Variants in KDM1A observed in about 807,000 individuals in gnomAD.
The protein encoded by KDM1A is lysine demethylase 1A, also known as lysine-specific histone demethylase 1A.
A neutral mutation model predicts 109.4 loss-of-function variants in KDM1A; 49 were observed. The observed-to-expected ratio is 0.45, with a 90% confidence interval of 0.36 to 0.57. KDM1A has a LOEUF of 0.57. KDM1A is among the 20% of genes least tolerant of loss of function. KDM1A has a pLI of 0.00. For missense variants in KDM1A, 668 were observed against 1,116.6 expected (o/e 0.60, Z 5.73); for synonymous variants, 380 against 415.4 (o/e 0.91, Z 1.04).
chr1:23,077,439 G>A, intron 16 of KDM1A, 79 bp downstream of exon 16: 1 of 1,440,624 alleles, frequency 6.9e-7, no homozygotes, highest in South Asian at 1.4e-5. Flanking sequence ...GACCTATCAG[G>A]TACATTTCCT....
At chr1:23,025,083 T>C (rs1003486560) in intron 1 of KDM1A, among the ~76,000 whole-genome samples, 1 of 152,252 alleles carries the variant, frequency 6.6e-6, no homozygotes, top group African/African-American at 2.4e-5. Context: ...GAGCATTAGA[T>C]TCTTGCTGTC....
intron 1 of KDM1A, 92 bp downstream of exon 1, chr1:23,020,039 C>T: frequency 2.3e-6 from 3 of 1,315,838 alleles, no homozygotes; most frequent in Non-Finnish European, 3.0e-6. Flanking sequence ...GGGTCTTGGG[C>T]CCTGCGACCA....
At chr1:23,071,132 T>C in intron 12 of KDM1A, 93 bp from the exon 13 acceptor site, 1 of 951,386 alleles carries the variant, frequency 1.1e-6, no homozygotes. Context: ...TTTGTTGGGA[T>C]AGCAGTTTTG....
chr1:23,030,771 G>A, intron 2 of KDM1A, 137 bp downstream of exon 2: 1 of 830,672 alleles, frequency 1.2e-6, no homozygotes, highest in Admixed American at 3.1e-5. Flanking sequence ...CCTGCCATGT[G>A]TGTCTTTGTG....
At chr1:23,066,978 A>C (rs530216746) in intron 10 of KDM1A, among the ~76,000 whole-genome samples, 9 of 152,268 alleles carry the variant, frequency 5.9e-5, no homozygotes, top group African/African-American at 2.2e-4. Flanking sequence ...CTCTTCCATC[A>C]GCTCTCATAG....
chr1:23,035,599 A>T (rs576605477), intron 2 of KDM1A, among the ~76,000 whole-genome samples: 1 of 152,228 alleles, frequency 6.6e-6, no homozygotes, highest in Non-Finnish European at 1.5e-5. Flanking sequence ...TGTTCACATA[A>T]TAATCATACT....
chr1:23,057,694 C>A, intron 8 of KDM1A, 129 bp downstream of exon 8: 1 of 588,102 alleles, frequency 1.7e-6, no homozygotes, highest in Non-Finnish European at 3.0e-6. Context: ...AGAGGTATAG[C>A]AGTATGTGGA....
intron 19 of KDM1A, 194 bp from the exon 20 acceptor site, chr1:23,082,026 G>C: frequency 1.8e-6 from 1 of 551,992 alleles, no homozygotes; most frequent in Non-Finnish European, 3.2e-6. Flanking sequence ...AACATGGAGG[G>C]GCATCCTTCC....
chr1:23,063,537 A>G (rs779314827), intron 9 of KDM1A, among the ~76,000 whole-genome samples: 34 of 152,204 alleles, frequency 2.2e-4, no homozygotes, highest in African/African-American at 7.7e-4. Context: ...AACATCTTCA[A>G]TATCTTTATG....
intron 3 of KDM1A, among the ~76,000 whole-genome samples, chr1:23,044,989 A>G (rs1465834639): frequency 6.6e-6 from 1 of 152,224 alleles, no homozygotes; most frequent in East Asian, 1.9e-4. Context: ...TTACGTAGTT[A>G]ATCATTCTTC....
intron 2 of KDM1A, among the ~76,000 whole-genome samples, chr1:23,037,852 G>A (rs1187854185): frequency 6.6e-6 from 1 of 152,096 alleles, no homozygotes; most frequent in Admixed American, 6.6e-5. Flanking sequence ...TTGATTTGTT[G>A]TACTTTTTAT....
intron 10 of KDM1A, 78 bp from the exon 11 acceptor site, chr1:23,068,461 C>T: frequency 8.1e-7 from 1 of 1,229,608 alleles, no homozygotes; most frequent in Non-Finnish European, 1.1e-6. Flanking sequence ...CCTTTATAAA[C>T]TATAGAGCAT....
rs1009753567 is a variant in KDM1A, at chr1:23,029,649, AT to A, written c.352-812del. Among the ~76,000 whole-genome samples the A allele has an allele frequency of 2.3e-3, 352 of 151,292 alleles. 5 individuals carry two copies. Among genetic ancestry groups the A allele is most frequent in the African/African-American group, 8.0e-3 (329 of 41,256 alleles). ...CTTAATTTATCTTATTTTTATTTTTATTTTTTTTGAGATGGAGTCTCACTCT... is the reference window on the plus strand; with the variant it reads ...CTTAATTTATCTTATTTTTATTTTTATTTTTTTGAGATGGAGTCTCACTCT... On this transcript the variant is annotated intron_variant, in intron 1 of 20. Transcript: ENST00000400181.
At position 23,019,472 on chromosome 1, in the gene KDM1A, C is replaced by G; in HGVS notation, c.-125C>G. 1 of 1,244,072 alleles carries G rather than the reference C, an allele frequency of 8.0e-7. No individual in the cohort carries two copies. The highest frequency in any genetic ancestry group is 1.0e-6 in the Non-Finnish European group (1 of 987,066). 77.1% of individuals were successfully genotyped at this position (1,244,072 alleles called of 1,614,324 possible). A position where few individuals can be genotyped will look rare whatever the true frequency, so the allele number is the denominator to read the frequency against. ...CGGCGCGGCGGGAGCGCGCTTGGCG[C>G]GTGCGTACGCGACGGCGGTTGGCGG... On this transcript the variant is annotated 5_prime_UTR_variant, in exon 1 of 21. Transcript: ENST00000400181.
chr1:23,071,181 T>A, intron 12 of KDM1A, 44 bp from the exon 13 acceptor site: 2 of 1,544,900 alleles, frequency 1.3e-6, no homozygotes, highest in Non-Finnish European at 1.8e-6. Flanking sequence ...AGACATAAAC[T>A]ACATTGCTAT....
At chr1:23,066,533 G>A (rs970772643) in intron 10 of KDM1A, among the ~76,000 whole-genome samples, 7 of 152,094 alleles carry the variant, frequency 4.6e-5, no homozygotes, top group Non-Finnish European at 1.0e-4. Flanking sequence ...AGTTGACACT[G>A]GAAGAGCTTT....
In KDM1A at chr1:23,079,089, A is replaced by C; in HGVS notation, c.1967A>C (p.Gln656Pro). ...ACCCTTCCCCTGGGTGTGCTGAAGC[A>C]GCAGCCACCAGCCGTTCAGTTTGTG... ...LCTLPLGVLKQQPPAVQFVPP... is the reference protein window; with the variant it reads ...LCTLPLGVLKPQPPAVQFVPP... The change falls in exon 17 of 21, where the codon CAG becomes CCG. Residue 656 changes from glutamine to proline, a missense_variant. Gln to Pro is a moderately conservative substitution (Grantham distance 76). This residue lies in a region of KDM1A where 162 missense variants were observed against 376.4 expected (regional missense o/e 0.43). Transcript: ENST00000400181. This position sits in a 1 kb window ranked among gnomAD's most constrained non-coding sequence, Gnocchi z 5.6. 6.2e-7 allele frequency: 1 copy of C among 1,614,182 alleles called. No homozygotes were observed. The highest frequency in any genetic ancestry group is 8.5e-7 in the Non-Finnish European group (1 of 1,180,004).
rs1569826091 is a variant in KDM1A, at chr1:23,079,926, T to C, written c.2170+259T>C. On this transcript the variant is annotated intron_variant, in intron 18 of 20. Transcript: ENST00000400181. This position sits in a 1 kb window ranked among gnomAD's most constrained non-coding sequence, Gnocchi z 5.6. ...CTGATGGGCTGAACGCCCAGGTTAC[T>C]GGAGGTCCACTCAGCCTGGAGGGAT... is the stretch of plus-strand genomic sequence containing the variant. 6.6e-6 allele frequency among the ~76,000 whole-genome samples: 1 copy of C among 152,154 alleles called. No individual in the cohort carries two copies. Among genetic ancestry groups the C allele is most frequent in the East Asian group, 1.9e-4 (1 of 5,182 alleles).
intron 3 of KDM1A, among the ~76,000 whole-genome samples, chr1:23,045,928 A>G (rs1270887781): frequency 6.6e-6 from 1 of 152,168 alleles, no homozygotes; most frequent in Non-Finnish European, 1.5e-5. Context: ...AGAGATCAAC[A>G]TTCTTCTCTT....
Sources: allele counts gnomAD v4.1 joint callset (sites outside exome capture counted in the v4.1 genomes callset), GRCh38; gene constraint gnomAD v4.1.1; regional missense constraint gnomAD v4.1.1; non-coding constraint Gnocchi (gnomAD v3.1); transcripts MANE v1.5; gene names NCBI Gene and HGNC (gene_info 2026-07-23, HGNC 2026-07-21).